Variants in MRGPRX3 observed in about 807,000 individuals in gnomAD.
MRGPRX3 encodes the protein MAS related GPR family member X3, also known as mas-related G protein-coupled receptor member X3.
In MRGPRX3, 14 loss-of-function variants were observed where a neutral mutation model predicts 16.5. That is an observed-to-expected ratio of 0.85 (90% CI 0.56 to 1.33). The LOEUF is 1.33. Ranked by LOEUF, MRGPRX3 falls within the 40% of genes most tolerant of loss-of-function variation. MRGPRX3 has a pLI of 0.00. For synonymous variants in MRGPRX3, 199 were observed against 180.1 expected, an observed-to-expected ratio of 1.10 and a Z score of -0.84; for missense variants, 449 against 413.0, an observed-to-expected ratio of 1.09 and a Z score of -0.76.
rs1975777 is a variant in MRGPRX3, at chr11:18,132,676, T to G, written c.-89T>G. 118,506 of 152,188 alleles carry G rather than the reference T, an allele frequency of 0.78. 46,294 individuals carry two copies. The highest frequency in any genetic ancestry group is 0.87 in the East Asian group (4,486 of 5,170). The allele number at this position is 152,188 out of a possible 1,614,324, so 9.4% of individuals were successfully genotyped here. On this transcript the variant is annotated 5_prime_UTR_variant, in exon 1 of 2. Transcript: ENST00000621697. ...AGTCCTCTGAAGTCACTGAATCCCATAAAGGCTCTCTACCTTTAGCACAAG... is the reference window on the plus strand; with the variant it reads ...AGTCCTCTGAAGTCACTGAATCCCAGAAAGGCTCTCTACCTTTAGCACAAG...
At chr11:18,128,175 G>T (rs1038756462), upstream of MRGPRX3, among the ~76,000 whole-genome samples, 5 of 152,218 alleles carry the variant, frequency 3.3e-5, no homozygotes, top group East Asian at 1.9e-4. Flanking sequence ...GTGTCAGTCT[G>T]CCCCTACTGG....
chr11:18,133,627 G>A (rs146430550), intron 1 of MRGPRX3, among the ~76,000 whole-genome samples: 332 of 152,230 alleles, frequency 2.2e-3, no homozygotes, highest in Non-Finnish European at 3.5e-3. Flanking sequence ...CATGTGAGAC[G>A]CCTCGCTCCC....
intron 1 of MRGPRX3, among the ~76,000 whole-genome samples, chr11:18,121,355 GC>G (rs1848833703): frequency 6.6e-6 from 1 of 151,516 alleles, no homozygotes; most frequent in Admixed American, 6.6e-5. Context: ...CTGGCCAGCC[GC>G]CCCGTCCGGG....
At chr11:18,134,458 G>A (rs1848990438) in intron 1 of MRGPRX3, among the ~76,000 whole-genome samples, 1 of 152,182 alleles carries the variant, frequency 6.6e-6, no homozygotes, top group African/African-American at 2.4e-5. Flanking sequence ...CATTTTGTCA[G>A]TTATTCTAAA....
chr11:18,122,896 G>T (rs1339291277), intron 1 of MRGPRX3, among the ~76,000 whole-genome samples: 1 of 152,106 alleles, frequency 6.6e-6, no homozygotes, highest in African/African-American at 2.4e-5. Flanking sequence ...GTGTGAGATG[G>T]TATCTCATTG....
chr11:18,132,860 A>G (rs1848974980), intron 1 of MRGPRX3, 121 bp downstream of exon 1: 1 of 152,262 alleles, frequency 6.6e-6, no homozygotes, highest in African/African-American at 2.4e-5. Flanking sequence ...AGGAAAAGAC[A>G]GGAGACATGA....
At chr11:18,122,860 C>T (rs1848853804) in intron 1 of MRGPRX3, among the ~76,000 whole-genome samples, 1 of 152,168 alleles carries the variant, frequency 6.6e-6, no homozygotes, top group Admixed American at 6.5e-5. Flanking sequence ...TGTTTCCTGA[C>T]TTTTTAATGA....
Position 18,137,625 on chromosome 11 carries a change from C to T in MRGPRX3, c.423C>T (p.Val141=). ...GCCGCCCCAGATACCTGTCATCAGT[C>T]ATGTGTGTCCTGCTCTGGGCCCTGT... is the stretch of plus-strand genomic sequence containing the variant. ...HCRRPRYLSS[V]MCVLLWALSL... Residue 141 remains valine (V), a synonymous_variant, in exon 2 of 2, where the codon GTC becomes GTT. Transcript: ENST00000621697. 2 of 1,614,154 alleles carry T rather than the reference C, an allele frequency of 1.2e-6. No individual in the cohort carries two copies. Among genetic ancestry groups the T allele is most frequent in the Non-Finnish European group, 1.7e-6 (2 of 1,180,024 alleles).
chr11:18,123,037 T>C (rs1334445954), intron 1 of MRGPRX3, among the ~76,000 whole-genome samples: 1 of 152,200 alleles, frequency 6.6e-6, no homozygotes, highest in Non-Finnish European at 1.5e-5. Context: ...TGGGGTTGTT[T>C]GTTTTTTTCT....
At chr11:18,121,750 T>G (rs538898247) in intron 1 of MRGPRX3, among the ~76,000 whole-genome samples, 6 of 152,196 alleles carry the variant, frequency 3.9e-5, no homozygotes, top group African/African-American at 1.4e-4. Flanking sequence ...CAGGGTTAAA[T>G]GGATTAAGGG....
chr11:18,121,307 C>T (rs745484248), intron 1 of MRGPRX3: 8 of 162,118 alleles, frequency 4.9e-5, no homozygotes, highest in East Asian at 1.9e-4. Flanking sequence ...GCCCGGCAGC[C>T]GCCCTGTCCG....
chr11:18,122,300 T>A (rs1436487701), intron 1 of MRGPRX3, among the ~76,000 whole-genome samples: 1 of 152,178 alleles, frequency 6.6e-6, no homozygotes, highest in Non-Finnish European at 1.5e-5. Context: ...TTTGCTGCAC[T>A]CATTAACTTG....
At chr11:18,128,680 C>A (rs1323723191), upstream of MRGPRX3, among the ~76,000 whole-genome samples, 1 of 152,222 alleles carries the variant, frequency 6.6e-6, no homozygotes, top group East Asian at 1.9e-4. Flanking sequence ...GTCTGTCACT[C>A]CTTTTCTTGG....
At chr11:18,124,548 A>G (rs542023785) in intron 1 of MRGPRX3, among the ~76,000 whole-genome samples, 1 of 152,268 alleles carries the variant, frequency 6.6e-6, no homozygotes, top group African/African-American at 2.4e-5. Flanking sequence ...CCACTTGATC[A>G]TGGTGAGTAA....
chr11:18,128,510 T>G (rs199646793), upstream of MRGPRX3, among the ~76,000 whole-genome samples: 1 of 152,322 alleles, frequency 6.6e-6, no homozygotes, highest in African/African-American at 2.4e-5. Flanking sequence ...ACTGCCACCT[T>G]GCAGTTTGAT....
At chr11:18,130,079 A>T (rs1226978175), upstream of MRGPRX3, among the ~76,000 whole-genome samples, 1 of 152,210 alleles carries the variant, frequency 6.6e-6, no homozygotes, top group Non-Finnish European at 1.5e-5. Context: ...CATTATACTG[A>T]ATGGGGAAAA....
chr11:18,128,146 G>T (rs2134081403), upstream of MRGPRX3, among the ~76,000 whole-genome samples: 1 of 152,306 alleles, frequency 6.6e-6, no homozygotes, highest in Admixed American at 6.5e-5. Context: ...TGTCTCAGAG[G>T]AGTACCTGGC....
At chr11:18,127,329 T>C (rs1201374730) in intron 1 of MRGPRX3, among the ~76,000 whole-genome samples, 2 of 152,326 alleles carry the variant, frequency 1.3e-5, no homozygotes, top group Admixed American at 6.5e-5. Context: ...CCTTGCTAGA[T>C]TGGGGAAGTT....
chr11:18,137,857 C>T lies in MRGPRX3; in HGVS notation c.655C>T (p.Leu219Phe). The change falls in exon 2 of 2, where the codon CTC becomes TTC. Residue 219 changes from leucine to phenylalanine, a missense_variant. By Grantham distance (22) the Leu-to-Phe change is conservative (BLOSUM62 0). Coordinates refer to ENST00000621697, the MANE Select transcript of MRGPRX3 (RefSeq NM_001370464.1). ...MPLTRLYVTI[L>F]LTVLVFLLCG... ...GCTGACCAGGCTGTACGTGACCATC[C>T]TCCTCACAGTGCTGGTCTTCCTCCT... The T allele has an allele frequency of 2.5e-6, 4 of 1,614,218 alleles. No individual in the cohort carries two copies. Among genetic ancestry groups the T allele is most frequent in the Middle Eastern group, 1.6e-4 (1 of 6,062 alleles).
Sources: allele counts gnomAD v4.1 joint callset (sites outside exome capture counted in the v4.1 genomes callset), GRCh38; gene constraint gnomAD v4.1.1; transcripts MANE v1.5; gene names NCBI Gene and HGNC (gene_info 2026-07-23, HGNC 2026-07-21).